Variants in RET observed in about 807,000 individuals in gnomAD.
The protein encoded by RET is proto-oncogene tyrosine-protein kinase receptor Ret.
In RET, 19 loss-of-function variants were observed where a neutral mutation model predicts 118.3. That is an observed-to-expected ratio of 0.16 (90% CI 0.11 to 0.24). RET has a LOEUF of 0.24. Ranked by LOEUF, RET falls within the 10% of genes least tolerant of loss-of-function variation. RET has a pLI of 1.00. For synonymous variants in RET, 597 were observed against 644.1 expected (o/e 0.93, Z 1.11); for missense variants, 1,219 against 1,502.1 (o/e 0.81, Z 3.12).
At chr10:43,087,651 G>T (rs1230117340) in intron 1 of RET, among the ~76,000 whole-genome samples, 3 of 152,214 alleles carry the variant, frequency 2.0e-5, no homozygotes, top group African/African-American at 7.2e-5. Flanking sequence ...GGCTTCTATG[G>T]ACTCCAGTTA....
chr10:43,119,960 C>T (rs1248048684), intron 14 of RET, 121 bp from the exon 15 acceptor site: 2 of 1,478,466 alleles, frequency 1.4e-6, no homozygotes, highest in African/African-American at 1.4e-5. Flanking sequence ...CACCCCCGGC[C>T]CAGGTCTCAC....
chr10:43,119,991 A>G lies in RET; in HGVS notation c.2608-90A>G, dbSNP rs941673233. On this transcript the variant is annotated intron_variant, in intron 14 of 19. Transcript: ENST00000355710. ...CTCACCAGGCCGCTACCCGGGCCAC[A>G]CACCACCCCTCTGCTGGTCACACCA... 11 of 1,577,502 alleles carry G rather than the reference A, an allele frequency of 7.0e-6. No individual in the cohort carries two copies. The Middle Eastern group carries it at 6.3e-4, about 90-fold the overall frequency.
intron 1 of RET, among the ~76,000 whole-genome samples, chr10:43,080,417 A>G (rs1258316500): frequency 1.3e-5 from 2 of 152,236 alleles, no homozygotes; most frequent in Non-Finnish European, 2.9e-5. Flanking sequence ...TTTTCCAACA[A>G]GTCTGCAAGG....
At chr10:43,102,206 GGA>G in intron 2 of RET, 134 bp from the exon 3 acceptor site, 1 of 1,110,078 alleles carries the variant, frequency 9.0e-7, no homozygotes, top group South Asian at 1.3e-5. Context: ...AGGCAGAGCT[GGA>G]ACACCAGTCT....
chr10:43,094,158 G>C (rs1469779376), intron 1 of RET, among the ~76,000 whole-genome samples: 2 of 152,092 alleles, frequency 1.3e-5, no homozygotes, highest in East Asian at 3.9e-4. Context: ...TGGGGCTGGA[G>C]GGACCCCCAT....
Position 43,102,699 on chromosome 10 carries a change from C to CA in RET, c.625+71dup, listed in dbSNP as rs1403357224. On this transcript the variant is annotated intron_variant, in intron 3 of 19. Coordinates refer to ENST00000355710, the MANE Select transcript of RET (RefSeq NM_020975.6). ...CTGGTCTTGCTCTGCGAGCCCTTGA[C>CA]ACAAGCCATCTGGTTTATTCTTCAC... 5.7e-6 allele frequency: 9 copies of CA among 1,575,706 alleles called. No individual in the cohort carries two copies. The African/African-American group carries it at 1.1e-4, about 19-fold the overall frequency.
At chr10:43,088,299 G>A (rs1474591025) in intron 1 of RET, among the ~76,000 whole-genome samples, 2 of 147,126 alleles carry the variant, frequency 1.4e-5, no homozygotes, top group African/African-American at 5.4e-5. Context: ...TGGTGGTGGA[G>A]GTCATGATGG....
At chr10:43,102,709 C>G (rs986964425) in intron 3 of RET, 80 bp downstream of exon 3, 18 of 1,539,740 alleles carry the variant, frequency 1.2e-5, no homozygotes, top group Non-Finnish European at 1.5e-5. Flanking sequence ...CACAAGCCAT[C>G]TGGTTTATTC....
chr10:43,079,945 C>T (rs1719025384), intron 1 of RET, among the ~76,000 whole-genome samples: 1 of 152,214 alleles, frequency 6.6e-6, no homozygotes, highest in Non-Finnish European at 1.5e-5. Context: ...CACTCCAGCT[C>T]ACTAACCCTG....
rs1217348681 is a variant in RET at position 43,126,670 on chromosome 10, T to C, written c.3135T>C (p.Asn1045=). 2.5e-6 allele frequency: 4 copies of C among 1,614,084 alleles called. No individual in the cohort carries two copies. The highest frequency in any genetic ancestry group is 2.5e-6 in the Non-Finnish European group (3 of 1,180,026). ...EEETPLVDCN[N]APLPRALPST... is the part of the protein sequence containing the mutation. ...AGACACCGCTGGTGGACTGTAATAA[T>C]GCCCCCCTCCCTCGAGCCCTCCCTT... Residue 1045 remains asparagine (N), a synonymous_variant, in exon 19 of 20, where the codon AAT becomes AAC. Transcript: ENST00000355710.
chr10:43,112,068 C>G (rs1588871984), intron 7 of RET, 31 bp from the exon 8 acceptor site: 1 of 1,582,908 alleles, frequency 6.3e-7, no homozygotes, highest in East Asian at 2.3e-5. Flanking sequence ...CAGGCCAGCC[C>G]CCTGTGACCC....
At chr10:43,086,002 C>G (rs1311904536) in intron 1 of RET, among the ~76,000 whole-genome samples, 1 of 152,006 alleles carries the variant, frequency 6.6e-6, no homozygotes, top group Non-Finnish European at 1.5e-5. Flanking sequence ...ACCCTCAAGC[C>G]TTTTTTGTGT....
At chr10:43,091,838 AAAAAAG>A (rs896825879) in intron 1 of RET, among the ~76,000 whole-genome samples, 3 of 149,512 alleles carry the variant, frequency 2.0e-5, no homozygotes, top group Admixed American at 6.6e-5. Context: ...AAAAAAAAAA[AAAAAAG>A]AACCAGTGTT....
intron 6 of RET, among the ~76,000 whole-genome samples, chr10:43,109,978 C>G (rs892377101): frequency 6.6e-5 from 10 of 152,234 alleles, no homozygotes; most frequent in African/African-American, 2.4e-4. Flanking sequence ...GGCGCCTCCT[C>G]TTCAGGGGCC....
In RET at chr10:43,077,181, C is replaced by A; in HGVS notation, c.-78C>A. On this transcript the variant is annotated 5_prime_UTR_variant, in exon 1 of 20. The change creates a new upstream start codon in the 5' untranslated region. Transcript: ENST00000355710. ...CCCGGGCGGGGATGGGGCGGCCAGA[C>A]TGAGCGCCGCACCCGCCATCCAGAC... is the stretch of plus-strand genomic sequence containing the variant. 7.2e-7 allele frequency: 1 copy of A among 1,380,606 alleles called. No homozygotes were observed. Among genetic ancestry groups the A allele is most frequent in the Admixed American group, 3.1e-5 (1 of 32,748 alleles). The allele number at this position is 1,380,606 out of a possible 1,614,324, so 85.5% of individuals were successfully genotyped here. A position where few individuals can be genotyped will look rare whatever the true frequency, so the allele number is the denominator to read the frequency against.
chr10:43,125,567 G>A (rs969258001), intron 18 of RET, among the ~76,000 whole-genome samples: 1 of 152,164 alleles, frequency 6.6e-6, no homozygotes, highest in African/African-American at 2.4e-5. Flanking sequence ...AAAGCATATC[G>A]GGGGGTGGCC....
chr10:43,084,689 T>A (rs1033101743), intron 1 of RET, among the ~76,000 whole-genome samples: 2 of 152,092 alleles, frequency 1.3e-5, no homozygotes, highest in African/African-American at 4.8e-5. Context: ...TTCGTCTGAT[T>A]CCTCACATGG....
intron 2 of RET, among the ~76,000 whole-genome samples, chr10:43,101,829 T>C (rs1293824393): frequency 6.6e-6 from 1 of 152,160 alleles, no homozygotes; most frequent in East Asian, 1.9e-4. Flanking sequence ...CCAGAGAATA[T>C]GGGAAGAGCA....
At chr10:43,105,347 G>T (rs755155553) in intron 4 of RET, among the ~76,000 whole-genome samples, 154 bp downstream of exon 4, 2 of 152,084 alleles carry the variant, frequency 1.3e-5, no homozygotes, top group Non-Finnish European at 2.9e-5. Context: ...GTCTGTCCTA[G>T]GGGGAGGGGA....
Sources: gnomAD v4.1 joint callset for allele counts (sites outside exome capture counted in the v4.1 genomes callset) on GRCh38, gnomAD v4.1.1 for gene constraint, MANE v1.5 for transcripts, NCBI Gene and HGNC (gene_info 2026-07-23, HGNC 2026-07-21) for gene names.